Variants in ANKS1A observed in about 807,000 individuals in gnomAD.
ANKS1A encodes the protein ankyrin repeat and SAM domain-containing protein 1A.
A neutral mutation model predicts 120.3 loss-of-function variants in ANKS1A; 55 were observed. The observed-to-expected ratio is 0.46, with a 90% CI of 0.37 to 0.57. The LOEUF is 0.57. ANKS1A is among the 20% of genes least tolerant of loss of function. ANKS1A has a pLI of 0.00. For missense variants in ANKS1A, 1,123 were observed against 1,480.3 expected (o/e 0.76, Z 3.96); for synonymous variants, 590 against 604.7 (o/e 0.98, Z 0.36).
At chr6:35,078,525 G>C (rs1488135615) in intron 13 of ANKS1A, 33 bp from the exon 14 acceptor site, 1 of 1,599,538 alleles carries the variant, frequency 6.3e-7, no homozygotes, top group Non-Finnish European at 8.5e-7. Context: ...ATCCATCCAG[G>C]AGGGGCCCTG....
intron 7 of ANKS1A, among the ~76,000 whole-genome samples, chr6:34,984,606 T>C (rs1275682003): frequency 6.6e-6 from 1 of 152,208 alleles, no homozygotes; most frequent in Non-Finnish European, 1.5e-5. Context: ...CACATTTGGA[T>C]TGCAGGTGCT....
At position 35,079,451 on chromosome 6, in the gene ANKS1A, T is replaced by C. The variant is rs550050751; in HGVS notation, c.2284-65T>C. On this transcript the variant is annotated intron_variant, in intron 14 of 23. Coordinates refer to ENST00000360359, the MANE Select transcript of ANKS1A (RefSeq NM_015245.3). The stretch of plus-strand genomic sequence containing the variant: ...AGTCTGTGTGAGCTGGCTGGGTCCA[T>C]GGTCCTCGGGTCCCTCTCCTGTGAG... The C allele has an allele frequency of 1.9e-5, 30 of 1,591,650 alleles. No individual in the cohort carries two copies. In the South Asian group the frequency reaches 2.9e-4, roughly 15 times the overall value.
intron 1 of ANKS1A, among the ~76,000 whole-genome samples, chr6:34,919,871 G>A (rs1768346745): frequency 6.6e-6 from 1 of 152,042 alleles, no homozygotes; most frequent in South Asian, 2.1e-4. Context: ...AGTCTTCCCA[G>A]TTCTGCTTGA....
In ANKS1A at chr6:35,090,100, A is replaced by G. The variant is rs1778216997; in HGVS notation, c.*1491A>G. 7.8e-7 allele frequency: 1 copy of G among 1,288,610 alleles called. No individual in the cohort carries two copies. The highest frequency in any genetic ancestry group is 1.0e-6 in the Non-Finnish European group (1 of 988,400). 79.8% of individuals were successfully genotyped at this position (1,288,610 alleles called of 1,614,324 possible). A position where few individuals can be genotyped will look rare whatever the true frequency, so the allele number is the denominator to read the frequency against. On this transcript the variant is annotated 3_prime_UTR_variant, in exon 24 of 24. Coordinates refer to ENST00000360359, the MANE Select transcript of ANKS1A (RefSeq NM_015245.3). Reference sequence around the variant, plus strand: ...CAGGCCTTGTGGGTTTCTATCTGCTAAGCACCCAGCAGGTTGGGGCCTGGG... The same window carrying G: ...CAGGCCTTGTGGGTTTCTATCTGCTGAGCACCCAGCAGGTTGGGGCCTGGG...
Position 35,058,928 on chromosome 6 carries a change from G to A in ANKS1A, c.2078-1219G>A, listed in dbSNP as rs1263175453. ...CCCTTCCCTGCTCATCCTTAGAGGAGAACGCCAAGATCCAGAGACCCTGGG... is the reference window on the plus strand; with the variant it reads ...CCCTTCCCTGCTCATCCTTAGAGGAAAACGCCAAGATCCAGAGACCCTGGG... On this transcript the variant is annotated intron_variant, in intron 12 of 23. Transcript: ENST00000360359. This position sits in a 1 kb window ranked among gnomAD's most constrained non-coding sequence, Gnocchi z 5.1. 6.6e-6 allele frequency among the ~76,000 whole-genome samples: 1 copy of A among 152,184 alleles called. No individual in the cohort carries two copies. The highest frequency in any genetic ancestry group is 2.4e-5 in the African/African-American group (1 of 41,446).
At chr6:35,077,684 G>A (rs926950866) in intron 13 of ANKS1A, among the ~76,000 whole-genome samples, 22 of 152,316 alleles carry the variant, frequency 1.4e-4, no homozygotes, top group South Asian at 1.0e-3. Flanking sequence ...GGCCAGGAGC[G>A]TGAAGGAGAG....
At chr6:34,917,242 C>T (rs1768209509) in intron 1 of ANKS1A, among the ~76,000 whole-genome samples, 1 of 152,232 alleles carries the variant, frequency 6.6e-6, no homozygotes, top group Non-Finnish European at 1.5e-5. Context: ...AGTTTTCCTT[C>T]TCTCCCCACT....
At chr6:34,997,037 T>G (rs1005247961) in intron 10 of ANKS1A, among the ~76,000 whole-genome samples, 1 of 152,194 alleles carries the variant, frequency 6.6e-6, no homozygotes, top group African/African-American at 2.4e-5. Context: ...AGAATCAGCT[T>G]ATTGATTTCT....
At chr6:34,915,221 T>C (rs932222513) in intron 1 of ANKS1A, among the ~76,000 whole-genome samples, 1 of 152,232 alleles carries the variant, frequency 6.6e-6, no homozygotes, top group African/African-American at 2.4e-5. Flanking sequence ...TTTCTCACTA[T>C]GTCTCCTTGC....
At chr6:34,929,006 G>C (rs1768845748) in intron 1 of ANKS1A, among the ~76,000 whole-genome samples, 1 of 152,178 alleles carries the variant, frequency 6.6e-6, no homozygotes, top group African/African-American at 2.4e-5. Flanking sequence ...CAGTTTCTTA[G>C]AAATCTCAGA....
chr6:35,089,844 G>C lies in ANKS1A; in HGVS notation c.*1235G>C. ...CAAAGTTGGCTCAGCTGTGTGCCCA[G>C]TTCCTCCTGTGGGCACTTTAGCAGG... On this transcript the variant is annotated 3_prime_UTR_variant, in exon 24 of 24. Coordinates refer to ENST00000360359, the MANE Select transcript of ANKS1A (RefSeq NM_015245.3). 9.4e-7 allele frequency: 1 copy of C among 1,062,574 alleles called. No homozygotes were observed. Among genetic ancestry groups the C allele is most frequent in the Non-Finnish European group, 1.1e-6 (1 of 876,424 alleles). The allele number at this position is 1,062,574 out of a possible 1,614,324, so 65.8% of individuals were successfully genotyped here.
rs573717236 is a variant in ANKS1A at position 35,057,068 on chromosome 6, A to G, written c.2077+2903A>G. On this transcript the variant is annotated intron_variant, in intron 12 of 23. Transcript: ENST00000360359. This position sits in a 1 kb window ranked among gnomAD's most constrained non-coding sequence, Gnocchi z 4.1. ...GTAGAGGAGGAGCAGGCCCTCCAGC[A>G]GGCAGCCCTGCACCAAGTGTGGGAT... Among the ~76,000 whole-genome samples, 10 of 152,156 alleles carry G rather than the reference A, an allele frequency of 6.6e-5. No individual in the cohort carries two copies. Among genetic ancestry groups the G allele is most frequent in the African/African-American group, 2.4e-4 (10 of 41,528 alleles).
chr6:34,976,989 A>G (rs1771633449), intron 3 of ANKS1A, among the ~76,000 whole-genome samples: 2 of 152,200 alleles, frequency 1.3e-5, no homozygotes, highest in South Asian at 4.1e-4. Flanking sequence ...ATACAATACC[A>G]TTATCTAATA....
chr6:35,060,601 A>G lies in ANKS1A; in HGVS notation c.2184+348A>G, dbSNP rs1776448200. 6.6e-6 allele frequency among the ~76,000 whole-genome samples: 1 copy of G among 152,200 alleles called. No individual in the cohort carries two copies. The highest frequency in any genetic ancestry group is 6.5e-5 in the Admixed American group (1 of 15,268). The stretch of plus-strand genomic sequence containing the variant: ...ATTTATTTCTCAAAACTTGGTGTCA[A>G]GTGAGTTGTCACTGAAGCAAGGAGC... On this transcript the variant is annotated intron_variant, in intron 13 of 23. Coordinates refer to ENST00000360359, the MANE Select transcript of ANKS1A (RefSeq NM_015245.3). The surrounding 1 kb of genome is among the most constrained non-coding windows in gnomAD (Gnocchi z 4.5).
chr6:34,989,675 C>G (rs1411181194), intron 9 of ANKS1A, among the ~76,000 whole-genome samples: 1 of 152,198 alleles, frequency 6.6e-6, no homozygotes, highest in Non-Finnish European at 1.5e-5. Flanking sequence ...GCCTCATTAG[C>G]AAGCTTTAGT....
chr6:34,956,886 T>G (rs1482741950), intron 1 of ANKS1A, among the ~76,000 whole-genome samples: 2 of 152,184 alleles, frequency 1.3e-5, no homozygotes, highest in South Asian at 4.1e-4. Context: ...GTCCTGGATG[T>G]GACAGCAGAC....
At chr6:35,027,008 C>A (rs1774660769) in intron 11 of ANKS1A, among the ~76,000 whole-genome samples, 1 of 152,088 alleles carries the variant, frequency 6.6e-6, no homozygotes, top group Non-Finnish European at 1.5e-5. Flanking sequence ...TGAGTTCTGG[C>A]AGAGGGGCTG....
intron 13 of ANKS1A, among the ~76,000 whole-genome samples, chr6:35,062,487 A>G (rs957614308): frequency 2.6e-5 from 4 of 152,234 alleles, no homozygotes; most frequent in East Asian, 1.9e-4. Flanking sequence ...TAGGTTTCCA[A>G]TAGGCTACAA....
At chr6:35,041,753 G>A (rs1775469913) in intron 11 of ANKS1A, among the ~76,000 whole-genome samples, 1 of 152,196 alleles carries the variant, frequency 6.6e-6, no homozygotes, top group Non-Finnish European at 1.5e-5. Flanking sequence ...AGGGCTTGTT[G>A]CTCTCTGCCT....
Sources: allele counts gnomAD v4.1 joint callset (sites outside exome capture counted in the v4.1 genomes callset), GRCh38; gene constraint gnomAD v4.1.1; non-coding constraint Gnocchi (gnomAD v3.1); transcripts MANE v1.5; gene names NCBI Gene and HGNC (gene_info 2026-07-23, HGNC 2026-07-21).